The following SFPQ variants were observed in gnomAD, a reference collection of about 807,000 sequenced individuals.
SFPQ encodes the protein splicing factor, proline- and glutamine-rich.
SFPQ carries 11 observed loss-of-function variants against 72.9 expected under a neutral mutation model. That is an observed-to-expected ratio of 0.15 (90% CI 0.09 to 0.25). The LOEUF is 0.25. Among genes scored for constraint, SFPQ ranks in the 10% least tolerant of loss-of-function variants. SFPQ has a pLI of 1.00. For synonymous variants in SFPQ, 506 were observed against 367.3 expected (o/e 1.38, Z -4.32); for missense variants, 847 against 993.3 (o/e 0.85, Z 1.98).
At chr1:35,192,084 C>G in intron 1 of SFPQ, 138 bp downstream of exon 1, 2 of 611,960 alleles carry the variant, frequency 3.3e-6, no homozygotes, top group Non-Finnish European at 4.7e-6. Flanking sequence ...GCCCCGCAGG[C>G]CGCCCCGCCC....
downstream of SFPQ, chr1:35,182,802 CATATT>C (rs1639524582): frequency 1.9e-6 from 2 of 1,051,602 alleles, no homozygotes; most frequent in African/African-American, 3.3e-5. Flanking sequence ...GTTCCTCTAA[CATATT>C]TACACTGGGA....
At chr1:35,178,884 C>CA (rs200118997), downstream of SFPQ, 84,513 of 894,052 alleles carry the variant, frequency 0.095, 141 homozygotes, top group Middle Eastern at 0.12. Context: ...TTTTCACTCT[C>CA]AAAAAAAAAA....
intron 6 of SFPQ, among the ~76,000 whole-genome samples, chr1:35,188,778 G>A (rs1295131555): frequency 2.6e-5 from 4 of 152,146 alleles, no homozygotes; most frequent in African/African-American, 7.2e-5. Flanking sequence ...CCAACATGGC[G>A]AAACCCCGTT....
At chr1:35,178,644 T>C (rs74614208), downstream of SFPQ, 76 of 1,056,444 alleles carry the variant, frequency 7.2e-5, no homozygotes, top group Non-Finnish European at 8.6e-5. Context: ...CCAATTTTTT[T>C]CTGAGGGAGA....
Position 35,188,988 on chromosome 1 carries a change from T to TA in SFPQ, c.1697+14dup, listed in dbSNP as rs751800010. On this transcript the variant is annotated intron_variant, in intron 6 of 9. Transcript: ENST00000357214. ...AAAAAATAAATGAAGGCTTAAACCTTAAACACAATTTTACCTCAATTGCAT... is the reference window on the plus strand; with the variant it reads ...AAAAAATAAATGAAGGCTTAAACCTTAAAACACAATTTTACCTCAATTGCAT... The TA allele has an allele frequency of 1.4e-5, 23 of 1,599,552 alleles. No individual in the cohort carries two copies. In the South Asian group the frequency reaches 1.7e-4, roughly 12 times the overall value.
At chr1:35,190,650 CAT>C (rs766431580) in intron 3 of SFPQ, 42 bp downstream of exon 3, 74 of 1,608,458 alleles carry the variant, frequency 4.6e-5, no homozygotes, top group Non-Finnish European at 5.9e-5. Context: ...CCACCATTCT[CAT>C]ATAAGTTGAT....
downstream of SFPQ, chr1:35,182,198 T>TG: frequency 1.0e-6 from 1 of 985,402 alleles, no homozygotes; most frequent in Non-Finnish European, 1.2e-6. Context: ...GTTCACCCTC[T>TG]GTGGGTGTCC....
intron 4 of SFPQ, among the ~76,000 whole-genome samples, chr1:35,189,605 G>GT (rs1471904389): frequency 5.9e-5 from 9 of 152,072 alleles, no homozygotes; most frequent in Non-Finnish European, 8.8e-5. Context: ...TTTTCTAATT[G>GT]TTTTCCTCTA....
chr1:35,182,875 G>A (rs759875674), downstream of SFPQ: 5 of 1,045,832 alleles, frequency 4.8e-6, no homozygotes, highest in Non-Finnish European at 5.8e-6. Flanking sequence ...AATAGTCAAA[G>A]TCTCTTGTTC....
At chr1:35,187,435 A>T (rs905078721) in intron 7 of SFPQ, among the ~76,000 whole-genome samples, 184 bp from the exon 8 acceptor site, 2 of 152,204 alleles carry the variant, frequency 1.3e-5, no homozygotes, top group African/African-American at 4.8e-5. Context: ...AGACCTACAA[A>T]ACTTCCTATT....
In SFPQ at chr1:35,192,219, C is replaced by A; in HGVS notation, c.828+3G>T. 6.9e-7 allele frequency: 1 copy of A among 1,453,732 alleles called. No homozygotes were observed. The highest frequency in any genetic ancestry group is 9.0e-7 in the Non-Finnish European group (1 of 1,110,916). 90.1% of individuals were successfully genotyped at this position (1,453,732 alleles called of 1,614,324 possible). On this transcript the variant is annotated splice_donor_region_variant and intron_variant, in intron 1 of 9. Transcript: ENST00000357214. The stretch of plus-strand genomic sequence containing the variant: ...CCGACGCGTCGCTCCCATAGACACT[C>A]ACCTCCGAGTCCGAGATCTTCTCCT...
downstream of SFPQ, chr1:35,181,000 T>C: frequency 1.9e-6 from 2 of 1,065,224 alleles, no homozygotes; most frequent in Non-Finnish European, 2.3e-6. Flanking sequence ...CACACAGTTT[T>C]GATGTAAGCT....
chr1:35,185,236 A>G (rs1639649227), intron 9 of SFPQ, among the ~76,000 whole-genome samples: 1 of 152,268 alleles, frequency 6.6e-6, no homozygotes, highest in African/African-American at 2.4e-5. Context: ...TTATGTTGCC[A>G]AATTCTCACA....
rs776963224 is a variant in SFPQ at position 35,183,225 on chromosome 1, CTTTTTT to C, written c.*1225_*1230del. Reference sequence around the variant, plus strand: ...AACTAAACCTACTTCAGTACTAAACCTTTTTTTTTTTTTGAGACAGAGTCTCGCTCT... The same window carrying C: ...AACTAAACCTACTTCAGTACTAAACCTTTTTTTGAGACAGAGTCTCGCTCT... On this transcript the variant is annotated 3_prime_UTR_variant, in exon 10 of 10. Transcript: ENST00000357214. 1.3e-6 allele frequency: 1 copy of C among 760,880 alleles called. No individual in the cohort carries two copies. The highest frequency in any genetic ancestry group is 1.5e-6 in the Non-Finnish European group (1 of 665,992). The allele number at this position is 760,880 out of a possible 1,614,324, so 47.1% of individuals were successfully genotyped here.
downstream of SFPQ, chr1:35,178,075 G>A (rs1169805578): frequency 8.0e-7 from 1 of 1,247,650 alleles, no homozygotes; most frequent in Non-Finnish European, 1.0e-6. Context: ...AAAAGACAAG[G>A]GTATAAAATA....
chr1:35,192,188 G>T (rs958768789), intron 1 of SFPQ, 34 bp downstream of exon 1: 4 of 1,370,968 alleles, frequency 2.9e-6, no homozygotes, highest in Non-Finnish European at 3.8e-6. Context: ...CGCCATCTTA[G>T]GGGAGCCGAC....
chr1:35,193,010 C>T lies in SFPQ; in HGVS notation c.40G>A (p.Gly14Ser), dbSNP rs1483302345. 1.3e-6 allele frequency: 2 copies of T among 1,576,914 alleles called. No homozygotes were observed. Among genetic ancestry groups the T allele is most frequent in the African/African-American group, 1.4e-5 (1 of 73,886 alleles). ...CCTCCTCCACGCCTGTGGAAGCCAC[C>T]ACCGCCACCGCCACGACTCCGGAAC... ...DRFRSRGGGG[G>S]GFHRRGGGGG... The change falls in exon 1 of 10, where the codon GGT (glycine) becomes AGT (serine). Residue 14 changes from glycine to serine, a missense_variant. Physicochemically the swap from Gly to Ser is moderately conservative, Grantham distance 56. Coordinates refer to ENST00000357214, the MANE Select transcript of SFPQ (RefSeq NM_005066.3).
At position 35,193,133 on chromosome 1, in the gene SFPQ, G is replaced by A; in HGVS notation, c.-84C>T. The A allele has an allele frequency of 6.8e-7, 1 of 1,478,832 alleles. No homozygotes were observed. Among genetic ancestry groups the A allele is most frequent in the Non-Finnish European group, 8.9e-7 (1 of 1,122,680 alleles). 91.6% of individuals were successfully genotyped at this position (1,478,832 alleles called of 1,614,324 possible). A position where few individuals can be genotyped will look rare whatever the true frequency, so the allele number is the denominator to read the frequency against. ...GCCACCTTGCTTCTCACAAAATGGC[G>A]GATGACACAGGCGGCGCGCCGCCTT... On this transcript the variant is annotated 5_prime_UTR_variant, in exon 1 of 10. Coordinates refer to ENST00000357214, the MANE Select transcript of SFPQ (RefSeq NM_005066.3).
chr1:35,181,588 G>C, downstream of SFPQ: 2 of 1,060,752 alleles, frequency 1.9e-6, no homozygotes, highest in South Asian at 4.6e-5. Flanking sequence ...AATACACTGG[G>C]GTCTTAACAA....
Sources: gnomAD v4.1 joint callset for allele counts (sites outside exome capture counted in the v4.1 genomes callset) on GRCh38, gnomAD v4.1.1 for gene constraint, MANE v1.5 for transcripts, NCBI Gene and HGNC (gene_info 2026-07-23, HGNC 2026-07-21) for gene names.